Variants in ACTR2 observed in about 807,000 individuals in gnomAD.
ACTR2 encodes the protein actin-related protein 2.
ACTR2 carries 5 observed loss-of-function variants against 50.2 expected under a neutral mutation model. That is an observed-to-expected ratio of 0.10 (90% CI 0.05 to 0.21). The LOEUF is 0.21. ACTR2 is among the 10% of genes least tolerant of loss of function. ACTR2 has a pLI of 1.00. For missense variants in ACTR2, 180 were observed against 480.6 expected (o/e 0.37, Z 5.85); for synonymous variants, 140 against 162.9 (o/e 0.86, Z 1.07).
At chr2:65,253,547 TAAAA>T (rs1672093086) in intron 4 of ACTR2, among the ~76,000 whole-genome samples, 177 bp from the exon 5 acceptor site, 3 of 151,716 alleles carry the variant, frequency 2.0e-5, no homozygotes. Flanking sequence ...CTAAAAGTCT[TAAAA>T]GAGAACACTC....
At chr2:65,260,596 G>A (rs1056392113) in intron 6 of ACTR2, among the ~76,000 whole-genome samples, 129 of 152,156 alleles carry the variant, frequency 8.5e-4, no homozygotes, top group African/African-American at 2.9e-3. Flanking sequence ...TAAAACTGTA[G>A]TAACACATAC....
rs147753295 is a variant in ACTR2, at chr2:65,261,152, AC to A, written c.736-94del. The A allele has an allele frequency of 2.1e-3, 2,625 of 1,235,726 alleles. 61 individuals are homozygous for A. In the East Asian group the frequency reaches 0.044, roughly 21 times the overall value. The allele number at this position is 1,235,726 out of a possible 1,614,324, so 76.5% of individuals were successfully genotyped here. Reference sequence around the variant, plus strand: ...ATTGTTGTTGGTAATGATTTTGGTTACAGAACAGATGTATTTATAAGTACTA... The same window carrying A: ...ATTGTTGTTGGTAATGATTTTGGTTAAGAACAGATGTATTTATAAGTACTA... On this transcript the variant is annotated intron_variant, in intron 6 of 8. Transcript: ENST00000260641.
intron 3 of ACTR2, among the ~76,000 whole-genome samples, chr2:65,247,960 C>T (rs1184391813): frequency 6.6e-6 from 1 of 152,022 alleles, no homozygotes; most frequent in African/African-American, 2.4e-5. Context: ...AATGGTATTC[C>T]AGATAAAGGG....
In ACTR2 at chr2:65,270,320, A is replaced by C. The variant is rs1672467364; in HGVS notation, c.*1586A>C. The C allele has an allele frequency of 1.3e-5, 2 of 152,648 alleles. No homozygotes were observed. Among genetic ancestry groups the C allele is most frequent in the Non-Finnish European group, 2.9e-5 (2 of 68,048 alleles). 9.5% of individuals were successfully genotyped at this position (152,648 alleles called of 1,614,324 possible). A position where few individuals can be genotyped will look rare whatever the true frequency, so the allele number is the denominator to read the frequency against. The stretch of plus-strand genomic sequence containing the variant: ...GTAAGAATACATCATTAGCTTAAAT[A>C]AGCAGCAGAAGGTTAGTTTTAATTA... On this transcript the variant is annotated 3_prime_UTR_variant, in exon 9 of 9. Transcript: ENST00000260641.
chr2:65,229,749 TC>T (rs1222714442), intron 1 of ACTR2, among the ~76,000 whole-genome samples: 1 of 62,444 alleles, frequency 1.6e-5, no homozygotes, highest in African/African-American at 7.7e-5. Flanking sequence ...AGACTCCGTC[TC>T]AAAAAAAAAA....
chr2:65,250,672 C>CAAAA (rs368589131), intron 3 of ACTR2, among the ~76,000 whole-genome samples: 31 of 84,468 alleles, frequency 3.7e-4, no homozygotes, highest in East Asian at 6.9e-4. Flanking sequence ...GACTTCATCT[C>CAAAA]AAAAAAAAAA....
intron 2 of ACTR2, among the ~76,000 whole-genome samples, chr2:65,244,415 A>G (rs984293573): frequency 6.6e-6 from 1 of 152,172 alleles, no homozygotes; most frequent in Non-Finnish European, 1.5e-5. Flanking sequence ...ATGTAGCAAT[A>G]TTGAAATGAT....
chr2:65,266,457 C>A (rs753070877), intron 8 of ACTR2, among the ~76,000 whole-genome samples: 8 of 151,298 alleles, frequency 5.3e-5, no homozygotes, highest in Non-Finnish European at 8.8e-5. Context: ...GGGAGGGGGG[C>A]AGGTGGGATA....
intron 3 of ACTR2, among the ~76,000 whole-genome samples, chr2:65,249,815 A>G (rs980521888): frequency 1.3e-5 from 2 of 152,154 alleles, no homozygotes; most frequent in Admixed American, 1.3e-4. Context: ...GTTCATTTGG[A>G]GGTTGTAATT....
chr2:65,250,956 C>T, intron 3 of ACTR2, 71 bp from the exon 4 acceptor site: 2 of 1,088,396 alleles, frequency 1.8e-6, no homozygotes, highest in Non-Finnish European at 2.7e-6. Context: ...ACTCTGTGAC[C>T]ATGAGGAAAA....
chr2:65,237,696 T>G (rs2103986781), intron 1 of ACTR2, among the ~76,000 whole-genome samples: 1 of 152,062 alleles, frequency 6.6e-6, no homozygotes, highest in East Asian at 1.9e-4. Flanking sequence ...ACAAAAAATT[T>G]TAAAACTTAC....
At chr2:65,249,984 G>A (rs1672013228) in intron 3 of ACTR2, among the ~76,000 whole-genome samples, 2 of 152,144 alleles carry the variant, frequency 1.3e-5, no homozygotes, top group African/African-American at 4.8e-5. Context: ...AGCTGCTCAG[G>A]GTAGACAGAG....
intron 7 of ACTR2, among the ~76,000 whole-genome samples, chr2:65,263,031 A>C (rs150626949): frequency 1.1e-3 from 171 of 150,752 alleles, no homozygotes; most frequent in African/African-American, 4.0e-3. Flanking sequence ...ACATATTTTT[A>C]TATGTTTAAG....
chr2:65,256,646 C>T (rs1448700935), intron 6 of ACTR2, among the ~76,000 whole-genome samples: 3 of 152,204 alleles, frequency 2.0e-5, no homozygotes, highest in East Asian at 1.9e-4. Context: ...CCGAGGCAGG[C>T]GGATCACCTG....
In ACTR2 at chr2:65,261,328, G is replaced by A; in HGVS notation, c.817G>A (p.Val273Ile). 6.2e-7 allele frequency: 1 copy of A among 1,614,110 alleles called. No individual in the cohort carries two copies. The highest frequency in any genetic ancestry group is 8.5e-7 in the Non-Finnish European group (1 of 1,180,014). The stretch of plus-strand genomic sequence containing the variant: ...TTTATTTCAGCCTCACTTGATCAAT[G>A]TTGAAGGAGTTGGTGTTGCTGAATT... The part of the protein sequence containing the change: ...EALFQPHLIN[V>I]EGVGVAELLF... The change falls in exon 7 of 9, where the codon GTT becomes ATT. Residue 273 changes from valine (V) to isoleucine (I), a missense_variant. By Grantham distance (29) the Val-to-Ile change is conservative. Transcript: ENST00000260641.
intron 2 of ACTR2, chr2:65,241,838 T>G: frequency 2.1e-6 from 1 of 468,422 alleles, no homozygotes; most frequent in Non-Finnish European, 3.7e-6. Flanking sequence ...TTAAATCGTT[T>G]AATGAGTTAA....
At chr2:65,263,278 T>TC (rs3980319) in intron 7 of ACTR2, among the ~76,000 whole-genome samples, 2 of 149,520 alleles carry the variant, frequency 1.3e-5, no homozygotes, top group African/African-American at 4.9e-5. Flanking sequence ...TTTTTTTTTT[T>TC]CAGTTTTGAA....
At chr2:65,260,822 C>T (rs974801387) in intron 6 of ACTR2, among the ~76,000 whole-genome samples, 2 of 151,212 alleles carry the variant, frequency 1.3e-5, no homozygotes, top group African/African-American at 2.4e-5. Flanking sequence ...CTCTGCCTCC[C>T]GGGTTCACGC....
chr2:65,262,260 C>T (rs1441579135), intron 7 of ACTR2, among the ~76,000 whole-genome samples: 1 of 152,072 alleles, frequency 6.6e-6, no homozygotes, highest in African/African-American at 2.4e-5. Context: ...GACGGAATGT[C>T]ACTCTCTCAC....
Sources: allele counts gnomAD v4.1 joint callset (sites outside exome capture counted in the v4.1 genomes callset), GRCh38; gene constraint gnomAD v4.1.1; transcripts MANE v1.5; gene names NCBI Gene and HGNC (gene_info 2026-07-23, HGNC 2026-07-21).